The following GAPDHS variants were observed in gnomAD, a reference collection of about 807,000 sequenced individuals.
GAPDHS encodes glyceraldehyde-3-phosphate dehydrogenase, testis-specific.
GAPDHS carries 42 observed loss-of-function variants against 48.7 expected under a neutral mutation model. That is an observed-to-expected ratio of 0.86 (90% confidence interval 0.67 to 1.12). The LOEUF is 1.12. GAPDHS is among the 50% of genes most tolerant of loss of function. The probability of loss-of-function intolerance (pLI) is 0.00; values close to 1 mark genes in which losing one functional copy is unlikely to be tolerated. For missense variants in GAPDHS, 512 were observed against 557.7 expected, an observed-to-expected ratio of 0.92 and a Z score of 0.82; for synonymous variants, 166 against 219.1, an observed-to-expected ratio of 0.76 and a Z score of 2.14.
intron 8 of GAPDHS, 67 bp downstream of exon 8, chr19:35,543,558 T>C: frequency 6.4e-7 from 1 of 1,571,924 alleles, no homozygotes; most frequent in South Asian, 1.2e-5. Flanking sequence ...GGCCCGGCCC[T>C]CAGTCCTTAA....
intron 4 of GAPDHS, 107 bp from the exon 5 acceptor site, chr19:35,542,202 CGCAGGTGGTT>C: frequency 1.4e-6 from 1 of 695,358 alleles, no homozygotes; most frequent in Non-Finnish European, 2.6e-6. Context: ...GGGTAGGGGA[CGCAGGTGGTT>C]GCAGGTGGGC....
chr19:35,534,752 T>G (rs1215016157), intron 1 of GAPDHS, among the ~76,000 whole-genome samples: 1 of 152,102 alleles, frequency 6.6e-6, no homozygotes, highest in Non-Finnish European at 1.5e-5. Context: ...AACACCTTCA[T>G]GAACTTGGAC....
At chr19:35,542,665 C>A in intron 6 of GAPDHS, 57 bp downstream of exon 6, 1 of 1,146,598 alleles carries the variant, frequency 8.7e-7, no homozygotes, top group Non-Finnish European at 1.3e-6. Flanking sequence ...CTCGTCCTCC[C>A]CACCCTCAGC....
intron 1 of GAPDHS, among the ~76,000 whole-genome samples, chr19:35,536,244 A>G (rs951007417): frequency 1.3e-5 from 2 of 152,218 alleles, no homozygotes; most frequent in East Asian, 3.9e-4. Context: ...AGAGGAGGAA[A>G]CTGAGGCACA....
At chr19:35,544,162 A>G (rs2071527781) in intron 9 of GAPDHS, 1 of 223,316 alleles carries the variant, frequency 4.5e-6, no homozygotes, top group African/African-American at 2.3e-5. Flanking sequence ...TGTGCACTCC[A>G]AGAAAACAGG....
At chr19:35,544,887 T>C (rs763952639) in intron 9 of GAPDHS, 22 bp from the exon 10 acceptor site, 1 of 1,497,226 alleles carries the variant, frequency 6.7e-7, no homozygotes, top group Non-Finnish European at 9.3e-7. Context: ...GACACACTTA[T>C]CTTTGAAATT....
intron 9 of GAPDHS, chr19:35,544,327 T>C (rs2071529017): frequency 6.0e-6 from 1 of 165,648 alleles, no homozygotes; most frequent in South Asian, 1.5e-4. Flanking sequence ...GAGGAGTGGA[T>C]GCCATGGTCA....
rs1445177191 is a variant in GAPDHS, at chr19:35,533,545, C to T, written c.18C>T (p.Ile6=). 2 of 1,613,520 alleles carry T rather than the reference C, an allele frequency of 1.2e-6. No individual in the cohort carries two copies. The highest frequency in any genetic ancestry group is 2.2e-5 in the East Asian group (1 of 44,876). MSKRD[I]VLTNVTVVQL... ...AAGAGGCCATGTCGAAGCGCGACAT[C>T]GTCCTCACCAATGTCACCGTTGTCC... Residue 6 remains isoleucine (I), a synonymous_variant, in exon 1 of 11, where the codon ATC becomes ATT. Coordinates refer to ENST00000222286, the MANE Select transcript of GAPDHS (RefSeq NM_014364.5).
chr19:35,540,226 G>T (rs930041081), intron 4 of GAPDHS, among the ~76,000 whole-genome samples: 1 of 152,236 alleles, frequency 6.6e-6, no homozygotes, highest in East Asian at 1.9e-4. Flanking sequence ...GGCCTTGCAC[G>T]GAGGGCTCTG....
chr19:35,533,507 A>G lies in GAPDHS; in HGVS notation c.-21A>G, dbSNP rs764403379. The G allele has an allele frequency of 6.2e-7, 1 of 1,611,004 alleles. No homozygotes were observed. The highest frequency in any genetic ancestry group is 1.1e-5 in the South Asian group (1 of 91,010). On this transcript the variant is annotated 5_prime_UTR_variant, in exon 1 of 11. An upstream start codon of the reference 5' UTR is lost. Coordinates refer to ENST00000222286, the MANE Select transcript of GAPDHS (RefSeq NM_014364.5). The stretch of plus-strand genomic sequence containing the variant: ...GTAACATCACAGCAGGTCCAGGCCA[A>G]TGATAACCTTATAAGAGGCCATGTC...
chr19:35,533,579 C>A lies in GAPDHS; in HGVS notation c.52C>A (p.Arg18=), dbSNP rs756867170. The A allele has an allele frequency of 6.2e-7, 1 of 1,612,056 alleles. No individual in the cohort carries two copies. The highest frequency in any genetic ancestry group is 8.5e-7 in the Non-Finnish European group (1 of 1,179,360). Residue 18 remains arginine (R), a synonymous_variant, in exon 1 of 11, where the codon CGA becomes AGA. Transcript: ENST00000222286. ...CAATGTCACCGTTGTCCAGTTGCTG[C>A]GACAGCCGTGCCCGGGTGAGGGAGG... ...LTNVTVVQLL[R]QPCPVTRAPP... is the part of the protein sequence containing the mutation.
chr19:35,538,389 G>A lies in GAPDHS; in HGVS notation c.328G>A (p.Asp110Asn), dbSNP rs2285514. 4.5e-4 allele frequency: 715 copies of A among 1,606,018 alleles called. 7 individuals are homozygous for A. The East Asian group carries it at 0.014, about 32-fold the overall frequency. ...KVVAVNDPFI[D>N]PEYMVYMFKY... ...GGTGGCTGTGAATGATCCATTCATT[G>A]ACCCGGAATACATGGTCAGTAGCTG... is the stretch of plus-strand genomic sequence containing the variant. Residue 110 changes from aspartate to asparagine, a missense_variant, in exon 3 of 11, where the codon GAC (aspartate) becomes AAC (asparagine). Coordinates refer to ENST00000222286, the MANE Select transcript of GAPDHS (RefSeq NM_014364.5).
intron 1 of GAPDHS, among the ~76,000 whole-genome samples, chr19:35,534,176 GGCGCGCCCGCGC>G (rs2071450032): frequency 6.7e-6 from 1 of 148,614 alleles, no homozygotes; most frequent in Admixed American, 7.0e-5. Context: ...CAACAAGGGC[GGCGCGCCCGCGC>G]GCGCGCACAC....
chr19:35,538,231 C>T, intron 2 of GAPDHS, 76 bp from the exon 3 acceptor site: 1 of 1,013,202 alleles, frequency 9.9e-7, no homozygotes, highest in Non-Finnish European at 1.5e-6. Context: ...TTAAGGATTC[C>T]CAACCAGGCT....
chr19:35,541,921 T>G lies in GAPDHS; in HGVS notation c.450-398T>G, dbSNP rs2071505817. On this transcript the variant is annotated intron_variant, in intron 4 of 10. Coordinates refer to ENST00000222286, the MANE Select transcript of GAPDHS (RefSeq NM_014364.5). The stretch of plus-strand genomic sequence containing the variant: ...GGTCTAGGAGGGTTCATGGCGAGGT[T>G]GTCAGAGCTGGGAAGCAGAAAGCAG... 4 of 218,850 alleles carry G rather than the reference T, an allele frequency of 1.8e-5. No individual in the cohort carries two copies. In the South Asian group the frequency reaches 2.9e-4, roughly 16 times the overall value. 13.6% of individuals were successfully genotyped at this position (218,850 alleles called of 1,614,324 possible).
intron 4 of GAPDHS, among the ~76,000 whole-genome samples, chr19:35,540,148 A>C (rs1217461882): frequency 1.3e-5 from 2 of 152,270 alleles, no homozygotes; most frequent in South Asian, 4.1e-4. Context: ...CCACAGCGGT[A>C]GCTGGGAGCA....
chr19:35,538,424 AG>A, intron 3 of GAPDHS, 21 bp downstream of exon 3: 1 of 912,808 alleles, frequency 1.1e-6, no homozygotes, highest in African/African-American at 1.7e-5. Context: ...GGCAGAGGGC[AG>A]GAACAGCAGG....
chr19:35,540,627 C>G (rs964229533), intron 4 of GAPDHS: 1 of 152,124 alleles, frequency 6.6e-6, no homozygotes, highest in Admixed American at 6.6e-5. Flanking sequence ...AGTGCAGACC[C>G]GAGGTGGGAC....
intron 1 of GAPDHS, 80 bp downstream of exon 1, chr19:35,533,674 TC>T: frequency 9.1e-7 from 1 of 1,093,226 alleles, no homozygotes; most frequent in East Asian, 2.4e-5. Context: ...CTGTGCCGTA[TC>T]CCTACCGCCC....
Sources: allele counts gnomAD v4.1 joint callset (sites outside exome capture counted in the v4.1 genomes callset), GRCh38; gene constraint gnomAD v4.1.1; transcripts MANE v1.5; gene names NCBI Gene and HGNC (gene_info 2026-07-23, HGNC 2026-07-21).